The following ST7 variants were observed in gnomAD, a reference collection of about 807,000 sequenced individuals.
ST7 encodes the protein suppressor of tumorigenicity 7 protein.
In ST7, 28 loss-of-function variants were observed where a neutral mutation model predicts 78.7. That is an observed-to-expected ratio of 0.36 (90% CI 0.26 to 0.49). The LOEUF (loss-of-function observed/expected upper bound fraction) is 0.49. ST7 is among the 20% of genes least tolerant of loss of function. The pLI is 0.99. For synonymous variants in ST7, 247 were observed against 249.6 expected, an observed-to-expected ratio of 0.99 and a Z score of 0.10; for missense variants, 418 against 696.0, an observed-to-expected ratio of 0.60 and a Z score of 4.49.
intron 1 of ST7, among the ~76,000 whole-genome samples, chr7:117,065,028 A>T (rs1027286830): frequency 2.0e-5 from 3 of 152,118 alleles, no homozygotes; most frequent in Non-Finnish European, 2.9e-5. Flanking sequence ...ACTGCCTGCA[A>T]CTCTGCAGTC....
At chr7:117,206,875 G>A (rs887557194) in intron 12 of ST7, among the ~76,000 whole-genome samples, 2 of 152,094 alleles carry the variant, frequency 1.3e-5, no homozygotes, top group African/African-American at 2.4e-5. Flanking sequence ...AGACTTTTCC[G>A]TGATCATGGA....
chr7:117,105,257 G>A (rs1801864099), intron 2 of ST7, among the ~76,000 whole-genome samples: 1 of 152,186 alleles, frequency 6.6e-6, no homozygotes, highest in Admixed American at 6.5e-5. Context: ...TCATATATGG[G>A]AGTTTAAAAA....
intron 1 of ST7, among the ~76,000 whole-genome samples, chr7:117,092,863 T>G (rs922611831): frequency 1.3e-5 from 2 of 152,350 alleles, no homozygotes; most frequent in Non-Finnish European, 1.5e-5. Context: ...TCTTCGGGCC[T>G]GGAAGGTACT....
chr7:117,053,684 A>G (rs1020375045), intron 1 of ST7, among the ~76,000 whole-genome samples: 5 of 152,158 alleles, frequency 3.3e-5, no homozygotes, highest in Non-Finnish European at 5.9e-5. Flanking sequence ...GAAACTGGCT[A>G]GATGTTGGGA....
intron 3 of ST7, among the ~76,000 whole-genome samples, chr7:117,123,695 G>A (rs945565028): frequency 1.3e-5 from 2 of 152,070 alleles, no homozygotes; most frequent in South Asian, 2.1e-4. Context: ...TGATAAATAG[G>A]CATTTAAAAG....
intron 1 of ST7, among the ~76,000 whole-genome samples, chr7:117,005,877 G>A (rs902353648): frequency 6.6e-6 from 1 of 152,042 alleles, no homozygotes; most frequent in Admixed American, 6.5e-5. Context: ...TTGTTTCTTA[G>A]ACATAAATAA....
intron 1 of ST7, among the ~76,000 whole-genome samples, chr7:117,011,353 G>A (rs1004139526): frequency 3.3e-5 from 5 of 152,170 alleles, no homozygotes; most frequent in Non-Finnish European, 7.3e-5. Context: ...TAGAAGAGGG[G>A]ACAGTGGGGG....
chr7:117,034,209 G>A (rs1487592885), intron 1 of ST7, among the ~76,000 whole-genome samples: 1 of 152,208 alleles, frequency 6.6e-6, no homozygotes, highest in Non-Finnish European at 1.5e-5. Context: ...AAAGTGCTGA[G>A]ATTACAGGTG....
intron 12 of ST7, among the ~76,000 whole-genome samples, chr7:117,207,070 G>A (rs1489741483): frequency 6.6e-6 from 1 of 151,980 alleles, no homozygotes; most frequent in Non-Finnish European, 1.5e-5. Flanking sequence ...TATCTATAAT[G>A]TCCCTTTGTC....
intron 12 of ST7, among the ~76,000 whole-genome samples, chr7:117,208,925 GTGTGTGTGT>G (rs1563170091): frequency 2.6e-5 from 4 of 151,272 alleles, no homozygotes; most frequent in Non-Finnish European, 5.9e-5. Context: ...GTGTGTGTGT[GTGTGTGTGT>G]GTGTGTGTGT....
Position 117,099,844 on chromosome 7 carries a change from G to T in ST7, c.234G>T (p.Leu78Phe). Residue 78 changes from leucine (L) to phenylalanine (F), a missense_variant and splice_region_variant, in exon 2 of 16, where the codon TTG (leucine) becomes TTT (phenylalanine). This residue lies in a region of ST7 where 23 missense variants were observed against 67.7 expected (regional missense o/e 0.34). Coordinates refer to ENST00000323984, the MANE Select transcript of ST7 (RefSeq NM_001369598.1). ...CCTCACTAATATCAGGGCTTATTTT[G>T]GTAAGTGGTGGAGTCCTTCTCATTT... ...GTSSLISGLILIFEWWYFRKY... is the reference protein window; with the variant it reads ...GTSSLISGLIFIFEWWYFRKY... 1.2e-6 allele frequency: 2 copies of T among 1,611,574 alleles called. No homozygotes were observed. Among genetic ancestry groups the T allele is most frequent in the Non-Finnish European group, 1.7e-6 (2 of 1,178,318 alleles).
chr7:117,198,948 C>A (rs938632603), intron 12 of ST7: 6 of 152,162 alleles, frequency 3.9e-5, no homozygotes, highest in Non-Finnish European at 8.8e-5. Flanking sequence ...CACATACATA[C>A]TCCAAACCCA....
intron 13 of ST7, among the ~76,000 whole-genome samples, chr7:117,211,058 G>A (rs1420414329): frequency 6.6e-6 from 1 of 152,112 alleles, no homozygotes; most frequent in Non-Finnish European, 1.5e-5. Context: ...TAACCCAGCA[G>A]GAGTCCAAGT....
chr7:117,122,153 C>T lies in ST7; in HGVS notation c.394+2433C>T, dbSNP rs183365030. Among the ~76,000 whole-genome samples, 977 of 152,180 alleles carry T rather than the reference C, an allele frequency of 6.4e-3. 5 individuals are homozygous for T. Among genetic ancestry groups the T allele is most frequent in the Middle Eastern group, 0.014 (4 of 294 alleles). On this transcript the variant is annotated intron_variant, in intron 3 of 15. Coordinates refer to ENST00000323984, the MANE Select transcript of ST7 (RefSeq NM_001369598.1). ...ATAAGGGAAAAGGGAGACTTGTAGG[C>T]AGAGCATCATGAGAAACATGGCATG...
At chr7:117,079,753 A>C (rs1799615467) in intron 1 of ST7, among the ~76,000 whole-genome samples, 1 of 152,120 alleles carries the variant, frequency 6.6e-6, no homozygotes, top group South Asian at 2.1e-4. Flanking sequence ...AAAATGGAAA[A>C]AGTGTGTAAA....
chr7:117,227,485 A>G (rs978912264), intron 15 of ST7, among the ~76,000 whole-genome samples: 2 of 152,206 alleles, frequency 1.3e-5, no homozygotes, highest in African/African-American at 2.4e-5. Context: ...TGAGCATTAT[A>G]GACAGATGCT....
intron 1 of ST7, among the ~76,000 whole-genome samples, chr7:117,054,496 G>T (rs2116393998): frequency 6.6e-6 from 1 of 152,338 alleles, no homozygotes; most frequent in Middle Eastern, 3.4e-3. Context: ...TACTTAGGAG[G>T]TGACATTTAT....
intron 10 of ST7, among the ~76,000 whole-genome samples, chr7:117,188,471 A>G (rs927172579): frequency 6.6e-6 from 1 of 152,188 alleles, no homozygotes; most frequent in African/African-American, 2.4e-5. Flanking sequence ...AAAGAATGCA[A>G]TCATAATTTA....
chr7:117,143,683 C>T (rs1805515483), intron 9 of ST7, among the ~76,000 whole-genome samples: 1 of 152,158 alleles, frequency 6.6e-6, no homozygotes, highest in Non-Finnish European at 1.5e-5. Flanking sequence ...TCTACAACCA[C>T]CTGTATCAGA....
Sources: gnomAD v4.1 joint callset for allele counts (sites outside exome capture counted in the v4.1 genomes callset) on GRCh38, gnomAD v4.1.1 for gene constraint, gnomAD v4.1.1 regional missense constraint, MANE v1.5 for transcripts, NCBI Gene and HGNC (gene_info 2026-07-23, HGNC 2026-07-21) for gene names.